The following FAM114A1 variants were observed in gnomAD, a reference collection of about 807,000 sequenced individuals.
FAM114A1 encodes the protein family with sequence similarity 114 member A1, also known as protein NOXP20.
In FAM114A1, 62 loss-of-function variants were observed where a neutral mutation model predicts 64.3. The observed-to-expected ratio is 0.96, with a 90% CI of 0.79 to 1.19. The LOEUF is 1.19. Among genes scored for constraint, FAM114A1 ranks in the 50% most tolerant of loss-of-function variants. The pLI is 0.00. For synonymous variants in FAM114A1, 254 were observed against 251.1 expected (o/e 1.01, Z -0.11); for missense variants, 645 against 676.3 (o/e 0.95, Z 0.51).
At chr4:38,915,380 T>C (rs2109722118) in intron 8 of FAM114A1, among the ~76,000 whole-genome samples, 1 of 152,260 alleles carries the variant, frequency 6.6e-6, no homozygotes, top group South Asian at 2.1e-4. Flanking sequence ...GCCCTCTGCC[T>C]CCCTTTGGTA....
chr4:38,939,085 C>T (rs1721361589), intron 13 of FAM114A1, among the ~76,000 whole-genome samples: 1 of 152,136 alleles, frequency 6.6e-6, no homozygotes, highest in South Asian at 2.1e-4. Context: ...TTCTAGTAAG[C>T]AGTCAGGTGA....
intron 8 of FAM114A1, among the ~76,000 whole-genome samples, chr4:38,922,566 T>TA (rs1392832696): frequency 2.6e-5 from 4 of 152,172 alleles, no homozygotes; most frequent in African/African-American, 9.7e-5. Flanking sequence ...AATCTCCCTT[T>TA]AAAAATGAGA....
At chr4:38,939,886 C>CTTTTTTTTTTTTTTTT (rs545845095) in intron 13 of FAM114A1, among the ~76,000 whole-genome samples, 1 of 131,668 alleles carries the variant, frequency 7.6e-6, no homozygotes, top group Non-Finnish European at 1.6e-5. Context: ...CACTTTCTTT[C>CTTTTTTTTTTTTTTTT]TTTTTTTTTT....
chr4:38,890,411 A>C (rs1349746713), intron 3 of FAM114A1, among the ~76,000 whole-genome samples: 2 of 151,654 alleles, frequency 1.3e-5, no homozygotes, highest in Non-Finnish European at 2.9e-5. Flanking sequence ...CAAAAAAAAA[A>C]ACAAAAAAAA....
intron 10 of FAM114A1, 50 bp downstream of exon 10, chr4:38,929,383 G>A: frequency 6.0e-6 from 8 of 1,333,032 alleles, no homozygotes; most frequent in Non-Finnish European, 8.5e-6. Context: ...ACAGTGCAGG[G>A]GAGAGTCTCT....
chr4:38,937,428 C>T (rs1721201537), intron 13 of FAM114A1, among the ~76,000 whole-genome samples: 1 of 152,174 alleles, frequency 6.6e-6, no homozygotes, highest in African/African-American at 2.4e-5. Flanking sequence ...CATCACCTTC[C>T]CTCCATGCAT....
chr4:38,899,991 T>C (rs552199501), intron 4 of FAM114A1, among the ~76,000 whole-genome samples: 47 of 152,310 alleles, frequency 3.1e-4, no homozygotes, highest in African/African-American at 1.1e-3. Flanking sequence ...GGAATCTATC[T>C]AAGCAGAAAG....
rs143972188 is a variant in FAM114A1 at position 38,878,468 on chromosome 4, C to T, written c.348+42C>T. ...CAATTCACTTCGGCCTAAGTTCTTG[C>T]TTATATCTACCGTGTGCAGAGCTAG... is the stretch of plus-strand genomic sequence containing the variant. On this transcript the variant is annotated intron_variant, in intron 3 of 14. Coordinates refer to ENST00000358869, the MANE Select transcript of FAM114A1 (RefSeq NM_138389.4). The T allele has an allele frequency of 7.1e-5, 108 of 1,522,578 alleles. 2 individuals are homozygous for T. In the East Asian group the frequency reaches 2.3e-3, roughly 32 times the overall value. 94.3% of individuals were successfully genotyped at this position (1,522,578 alleles called of 1,614,324 possible).
At chr4:38,909,065 C>T (rs1019068818) in intron 7 of FAM114A1, among the ~76,000 whole-genome samples, 1 of 152,206 alleles carries the variant, frequency 6.6e-6, no homozygotes, top group Middle Eastern at 3.4e-3. Flanking sequence ...TTTTTTCAAC[C>T]CAGTGGTAAC....
At chr4:38,912,965 G>A (rs544784391) in intron 7 of FAM114A1, among the ~76,000 whole-genome samples, 164 of 152,322 alleles carry the variant, frequency 1.1e-3, no homozygotes, top group Admixed American at 2.0e-3. Flanking sequence ...TGCTAATTTA[G>A]TCTTAAAGAC....
At chr4:38,928,487 C>T (rs886196332) in intron 9 of FAM114A1, among the ~76,000 whole-genome samples, 1 of 151,938 alleles carries the variant, frequency 6.6e-6, no homozygotes, top group African/African-American at 2.4e-5. Context: ...AATACGTATA[C>T]TGTCTGTTAT....
chr4:38,935,600 C>A, intron 12 of FAM114A1, 118 bp from the exon 13 acceptor site: 1 of 651,324 alleles, frequency 1.5e-6, no homozygotes, highest in Non-Finnish European at 2.5e-6. Flanking sequence ...AGAGCATCTT[C>A]AAGCATGTGT....
At chr4:38,934,641 G>T (rs902568117) in intron 12 of FAM114A1, among the ~76,000 whole-genome samples, 1 of 152,096 alleles carries the variant, frequency 6.6e-6, no homozygotes, top group African/African-American at 2.4e-5. Flanking sequence ...TAATCAGATT[G>T]TTTTCAGTTT....
chr4:38,929,152 C>T (rs756794965), intron 9 of FAM114A1, 90 bp from the exon 10 acceptor site: 2 of 997,390 alleles, frequency 2.0e-6, no homozygotes, highest in Non-Finnish European at 3.2e-6. Flanking sequence ...ACTTAGTCTA[C>T]CCCAGCTGCA....
intron 3 of FAM114A1, among the ~76,000 whole-genome samples, chr4:38,882,318 CAAAAAA>C (rs56370212): frequency 8.2e-5 from 4 of 48,792 alleles, no homozygotes; most frequent in African/African-American, 3.7e-4. Flanking sequence ...GACTCCGTCT[CAAAAAA>C]AAAAAAAAAA....
intron 12 of FAM114A1, among the ~76,000 whole-genome samples, chr4:38,933,000 C>CAT (rs1720785841): frequency 8.6e-5 from 13 of 151,970 alleles, no homozygotes; most frequent in African/African-American, 2.9e-4. Context: ...ATTACAGGTG[C>CAT]GCACCACCAC....
In FAM114A1 at chr4:38,878,315, G is replaced by T; in HGVS notation, c.237G>T (p.Glu79Asp). Residue 79 changes from glutamate (E) to aspartate (D), a missense_variant, in exon 3 of 15, where the codon GAG becomes GAT. Glu to Asp is a conservative substitution (Grantham distance 45). Coordinates refer to ENST00000358869, the MANE Select transcript of FAM114A1 (RefSeq NM_138389.4). ...AGCCTCAGGATGCCAACGCCCTGGAGCCCCCTCTCAATGGAGACGTGACTG... is the reference window on the plus strand; with the variant it reads ...AGCCTCAGGATGCCAACGCCCTGGATCCCCCTCTCAATGGAGACGTGACTG... ...PVQPQDANALEPPLNGDVTED... is the reference protein window; with the variant it reads ...PVQPQDANALDPPLNGDVTED... 2.5e-6 allele frequency: 4 copies of T among 1,614,242 alleles called. No individual in the cohort carries two copies. The highest frequency in any genetic ancestry group is 3.4e-6 in the Non-Finnish European group (4 of 1,180,042).
intron 3 of FAM114A1, among the ~76,000 whole-genome samples, chr4:38,882,753 G>GT (rs777957589): frequency 0.049 from 2,372 of 48,586 alleles, 78 homozygotes; most frequent in Non-Finnish European, 0.056. Context: ...ATGTGTGTGT[G>GT]GTGTGTATGT....
chr4:38,873,948 C>T (rs1302149766), intron 2 of FAM114A1, among the ~76,000 whole-genome samples: 1 of 152,142 alleles, frequency 6.6e-6, no homozygotes, highest in Non-Finnish European at 1.5e-5. Flanking sequence ...GGAAGAGCTG[C>T]AGTGAACAGG....
Sources: allele counts gnomAD v4.1 joint callset (sites outside exome capture counted in the v4.1 genomes callset), GRCh38; gene constraint gnomAD v4.1.1; transcripts MANE v1.5; gene names NCBI Gene and HGNC (gene_info 2026-07-23, HGNC 2026-07-21).